Variants in PSTPIP2 observed in about 807,000 individuals in gnomAD.
PSTPIP2 encodes the protein proline-serine-threonine phosphatase-interacting protein 2.
A neutral mutation model predicts 63.3 loss-of-function variants in PSTPIP2; 33 were observed. The observed-to-expected ratio is 0.52, with a 90% CI of 0.40 to 0.70. PSTPIP2 has a LOEUF of 0.70. PSTPIP2 is among the 30% of genes least tolerant of loss of function. The pLI is 0.00. For synonymous variants in PSTPIP2, 125 were observed against 132.7 expected, an observed-to-expected ratio of 0.94 and a Z score of 0.40; for missense variants, 312 against 400.7, an observed-to-expected ratio of 0.78 and a Z score of 1.89.
At chr18:45,997,702 C>CGGGGGGGGGGGGGGGGGG in intron 9 of PSTPIP2, 47 bp downstream of exon 9, 1 of 356,370 alleles carries the variant, frequency 2.8e-6, no homozygotes. Context: ...GTTACACACA[C>CGGGGGGGGGGGGGGGGGG]CCCCACCCAC....
In PSTPIP2 at chr18:46,024,775, C is replaced by G. The variant is rs1907518106; in HGVS notation, c.135-89G>C. The G allele has an allele frequency of 3.2e-6, 3 of 949,208 alleles. No individual in the cohort carries two copies. The East Asian group carries it at 7.2e-5, about 23-fold the overall frequency. 58.8% of individuals were successfully genotyped at this position (949,208 alleles called of 1,614,324 possible). On this transcript the variant is annotated intron_variant, in intron 2 of 14. Transcript: ENST00000409746. ...GACCCTCCCTTGGAAAGCAAAACTG[C>G]ACCTGTGACCATAGAAGCTCAGATA...
At chr18:46,065,098 C>T (rs1257241900) in intron 1 of PSTPIP2, among the ~76,000 whole-genome samples, 27 of 135,438 alleles carry the variant, frequency 2.0e-4, no homozygotes, top group Admixed American at 6.4e-4. Context: ...GAGCCGAGGT[C>T]GTGCCATTGC....
chr18:46,055,548 G>T (rs1464515160), intron 1 of PSTPIP2, among the ~76,000 whole-genome samples: 2 of 152,104 alleles, frequency 1.3e-5, no homozygotes, highest in Admixed American at 1.3e-4. Context: ...CAAACTCCTA[G>T]GCTCAAGCGA....
chr18:46,034,761 T>C (rs183275809), intron 2 of PSTPIP2, among the ~76,000 whole-genome samples: 2 of 152,324 alleles, frequency 1.3e-5, no homozygotes, highest in East Asian at 3.9e-4. Flanking sequence ...ATAGCCTCTC[T>C]GAACCTCAAT....
chr18:46,041,585 C>T (rs963925256), intron 1 of PSTPIP2, among the ~76,000 whole-genome samples: 1 of 152,108 alleles, frequency 6.6e-6, no homozygotes, highest in Non-Finnish European at 1.5e-5. Flanking sequence ...CTACTGTGCT[C>T]TCCAAGGTTG....
chr18:46,064,963 G>T (rs1460225901), intron 1 of PSTPIP2, among the ~76,000 whole-genome samples: 1 of 151,540 alleles, frequency 6.6e-6, no homozygotes, highest in Non-Finnish European at 1.5e-5. Context: ...TGACCAACAT[G>T]GAAAAACCTC....
intron 1 of PSTPIP2, among the ~76,000 whole-genome samples, chr18:46,055,791 A>G (rs1397036604): frequency 1.3e-5 from 2 of 152,202 alleles, no homozygotes; most frequent in Non-Finnish European, 2.9e-5. Flanking sequence ...AAAACTGTAC[A>G]ATTTGGACTT....
intron 2 of PSTPIP2, chr18:46,029,737 C>T: frequency 1.6e-6 from 1 of 618,170 alleles, no homozygotes; most frequent in East Asian, 2.7e-5. Context: ...TTCAAACTTC[C>T]CAGTCATTAA....
chr18:46,039,930 A>C lies in PSTPIP2; in HGVS notation c.134+17T>G. The stretch of plus-strand genomic sequence containing the variant: ...TCTTGGCCCACCCTCTTCAGAGAGG[A>C]CAGAGCATCATCGTACCTTTCTTTT... On this transcript the variant is annotated intron_variant, in intron 2 of 14. Coordinates refer to ENST00000409746, the MANE Select transcript of PSTPIP2 (RefSeq NM_024430.4). The C allele has an allele frequency of 3.1e-6, 5 of 1,591,694 alleles. No individual in the cohort carries two copies. Among genetic ancestry groups the C allele is most frequent in the Non-Finnish European group, 3.4e-6 (4 of 1,159,758 alleles).
At chr18:46,061,739 T>C (rs940580625) in intron 1 of PSTPIP2, among the ~76,000 whole-genome samples, 3 of 152,196 alleles carry the variant, frequency 2.0e-5, no homozygotes, top group South Asian at 2.1e-4. Flanking sequence ...ATACTTTTTA[T>C]TCCTGAGAGC....
chr18:46,054,743 C>A (rs1397803848), intron 1 of PSTPIP2, among the ~76,000 whole-genome samples: 2 of 150,962 alleles, frequency 1.3e-5, no homozygotes, highest in South Asian at 4.2e-4. Context: ...TCACTGCAAC[C>A]TCTGCCTCCT....
chr18:46,027,369 G>T (rs1907619923), intron 2 of PSTPIP2, among the ~76,000 whole-genome samples: 1 of 150,796 alleles, frequency 6.6e-6, no homozygotes, highest in African/African-American at 2.4e-5. Context: ...TTTTTTTAAA[G>T]AATAAGACCA....
intron 1 of PSTPIP2, among the ~76,000 whole-genome samples, chr18:46,052,370 C>T (rs1908611180): frequency 6.6e-6 from 1 of 152,174 alleles, no homozygotes; most frequent in South Asian, 2.1e-4. Context: ...TCTTTGATCT[C>T]TATCAGCTAG....
chr18:45,995,262 C>T (rs761391114), intron 9 of PSTPIP2, among the ~76,000 whole-genome samples: 3 of 151,860 alleles, frequency 2.0e-5, no homozygotes, highest in Non-Finnish European at 4.4e-5. Context: ...CCACCATGCC[C>T]GGCTAATTTT....
intron 1 of PSTPIP2, among the ~76,000 whole-genome samples, chr18:46,067,894 C>T (rs370150528): frequency 1.1e-4 from 17 of 152,104 alleles, no homozygotes; most frequent in Admixed American, 6.5e-4. Context: ...TCATAAAATC[C>T]GAGAGAGTAT....
At chr18:45,988,561 G>A (rs1217922975) in intron 14 of PSTPIP2, 141 bp downstream of exon 14, 1 of 678,238 alleles carries the variant, frequency 1.5e-6, no homozygotes, top group African/African-American at 1.8e-5. Context: ...TGTCCTGAAG[G>A]GACAGCATGC....
In PSTPIP2 at chr18:45,991,889, A is replaced by G; in HGVS notation, c.920+13T>C. 3 of 1,573,694 alleles carry G rather than the reference A, an allele frequency of 1.9e-6. No homozygotes were observed. Among genetic ancestry groups the G allele is most frequent in the Non-Finnish European group, 2.6e-6 (3 of 1,148,954 alleles). On this transcript the variant is annotated intron_variant, in intron 12 of 14. Transcript: ENST00000409746. ...AAGTATTTTTCTTCATATGAAAGGC[A>G]GCTGGTTATTACCTTGCCAAGTTAG...
chr18:46,029,691 A>G (rs1907718902), intron 2 of PSTPIP2: 2 of 701,744 alleles, frequency 2.9e-6, no homozygotes, highest in Admixed American at 2.2e-5. Context: ...AAATGAAAGA[A>G]GCAGTCATTG....
intron 2 of PSTPIP2, chr18:46,028,439 C>A: frequency 3.5e-6 from 2 of 565,178 alleles, no homozygotes; most frequent in South Asian, 2.9e-5. Context: ...CGGAACCGCC[C>A]GACGCTGGAG....
Sources: gnomAD v4.1 joint callset for allele counts (sites outside exome capture counted in the v4.1 genomes callset) on GRCh38, gnomAD v4.1.1 for gene constraint, MANE v1.5 for transcripts, NCBI Gene and HGNC (gene_info 2026-07-23, HGNC 2026-07-21) for gene names.